The following GTF2F2 variants were observed in gnomAD, a reference collection of about 807,000 sequenced individuals.
The protein encoded by GTF2F2 is general transcription factor IIF subunit 2, also known as ATP-dependent helicase GTF2F2.
A neutral mutation model predicts 42.2 loss-of-function variants in GTF2F2; 23 were observed. That is an observed-to-expected ratio of 0.55 (90% confidence interval 0.39 to 0.77). The LOEUF (loss-of-function observed/expected upper bound fraction) is 0.77, where lower values mean the gene tolerates loss of function less well. Ranked by LOEUF, GTF2F2 falls within the 30% of genes least tolerant of loss-of-function variation. The pLI is 0.00. For missense variants in GTF2F2, 261 were observed against 287.2 expected, an observed-to-expected ratio of 0.91 and a Z score of 0.66; for synonymous variants, 105 against 100.8, an observed-to-expected ratio of 1.04 and a Z score of -0.25.
chr13:45,125,422 C>T lies in GTF2F2; in HGVS notation c.66+4701C>T, dbSNP rs995347727. Reference sequence around the variant, plus strand: ...GCAACCTCCACCTTCCAGGTTCAAGCGATTCTCCTGCCTCAGCCTCCCGAG... The same window carrying T: ...GCAACCTCCACCTTCCAGGTTCAAGTGATTCTCCTGCCTCAGCCTCCCGAG... On this transcript the variant is annotated intron_variant, in intron 1 of 7. Coordinates refer to ENST00000340473, the MANE Select transcript of GTF2F2 (RefSeq NM_004128.3). Among the ~76,000 whole-genome samples the T allele has an allele frequency of 4.6e-5, 7 of 152,210 alleles. No individual in the cohort carries two copies. The South Asian group carries it at 8.3e-4, about 18-fold the overall frequency.
rs552195756 is a variant in GTF2F2, at chr13:45,182,899, A to G, written c.305-24525A>G. On this transcript the variant is annotated intron_variant, in intron 4 of 7. Transcript: ENST00000340473. ...CAAGTCTCAGAAATGGATTCTCTGT[A>G]CTAGTTTTTTCTTGTAGCACACTCG... is the stretch of plus-strand genomic sequence containing the variant. Among the ~76,000 whole-genome samples, 4 of 152,102 alleles carry G rather than the reference A, an allele frequency of 2.6e-5. No homozygotes were observed. In the South Asian group the frequency reaches 8.3e-4, roughly 32 times the overall value.
At chr13:45,212,581 G>A (rs952416377) in intron 5 of GTF2F2, among the ~76,000 whole-genome samples, 3 of 95,366 alleles carry the variant, frequency 3.1e-5, no homozygotes, top group African/African-American at 1.3e-4. Context: ...TCTTTTTTTT[G>A]AGACAAGTCT....
chr13:45,162,795 G>T (rs148956632), intron 4 of GTF2F2, among the ~76,000 whole-genome samples: 1,712 of 152,224 alleles, frequency 0.011, 37 homozygotes, highest in African/African-American at 0.039. Context: ...GTTTTTAATT[G>T]TGAAATATTT....
chr13:45,204,004 T>C (rs968928537), intron 4 of GTF2F2, among the ~76,000 whole-genome samples: 6 of 152,304 alleles, frequency 3.9e-5, no homozygotes, highest in Middle Eastern at 3.4e-3. Flanking sequence ...AATGGCTTTT[T>C]TTTATTTTTT....
At chr13:45,195,814 G>A (rs927943056) in intron 4 of GTF2F2, among the ~76,000 whole-genome samples, 13 of 152,068 alleles carry the variant, frequency 8.5e-5, no homozygotes, top group African/African-American at 3.1e-4. Flanking sequence ...TTTTGTTGTA[G>A]TTTTAGTTTT....
At chr13:45,254,709 A>C (rs559002436) in intron 6 of GTF2F2, among the ~76,000 whole-genome samples, 1 of 152,244 alleles carries the variant, frequency 6.6e-6, no homozygotes, top group African/African-American at 2.4e-5. Flanking sequence ...TAAAAGGGCT[A>C]AGGGTTTTGG....
At chr13:45,124,667 C>G (rs1239359604) in intron 1 of GTF2F2, among the ~76,000 whole-genome samples, 2 of 152,136 alleles carry the variant, frequency 1.3e-5, no homozygotes, top group African/African-American at 4.8e-5. Flanking sequence ...TGGGTTCAAG[C>G]TATTCTCCTG....
At chr13:45,182,282 C>A (rs1441751791) in intron 4 of GTF2F2, among the ~76,000 whole-genome samples, 1 of 152,068 alleles carries the variant, frequency 6.6e-6, no homozygotes. Flanking sequence ...TCCTGAGTAG[C>A]TGGGATTACA....
intron 4 of GTF2F2, among the ~76,000 whole-genome samples, chr13:45,180,577 T>A (rs1872104406): frequency 6.6e-6 from 1 of 152,194 alleles, no homozygotes; most frequent in Non-Finnish European, 1.5e-5. Flanking sequence ...AGGAAAAGAT[T>A]GCTCATTTTG....
intron 2 of GTF2F2, among the ~76,000 whole-genome samples, chr13:45,140,461 T>C (rs770060436): frequency 6.6e-6 from 1 of 152,226 alleles, no homozygotes; most frequent in Non-Finnish European, 1.5e-5. Context: ...AGTGAGACTT[T>C]GTACAAGTCA....
intron 4 of GTF2F2, chr13:45,207,206 A>G (rs1460555201): frequency 6.4e-6 from 3 of 466,632 alleles, no homozygotes; most frequent in East Asian, 3.2e-5. Flanking sequence ...GGGCCACAGC[A>G]GCCTAATAAA....
chr13:45,283,969 A>G lies in GTF2F2; in HGVS notation c.*408A>G, dbSNP rs1042269137. ...AAGAAAAAAACAGTCAACTACAGAA[A>G]CTCTTAAAAGGAATAAAAACCCAAA... On this transcript the variant is annotated 3_prime_UTR_variant, in exon 8 of 8. Transcript: ENST00000340473. 1 of 152,188 alleles carries G rather than the reference A, an allele frequency of 6.6e-6. No individual in the cohort carries two copies. Among genetic ancestry groups the G allele is most frequent in the Non-Finnish European group, 1.5e-5 (1 of 68,062 alleles). 9.4% of individuals were successfully genotyped at this position (152,188 alleles called of 1,614,324 possible).
At chr13:45,187,193 C>T (rs1391415294) in intron 4 of GTF2F2, among the ~76,000 whole-genome samples, 1 of 152,006 alleles carries the variant, frequency 6.6e-6, no homozygotes, top group African/African-American at 2.4e-5. Flanking sequence ...AGTTTGAGAC[C>T]AGCCTGGGCA....
intron 1 of GTF2F2, among the ~76,000 whole-genome samples, chr13:45,121,647 G>A (rs1399286838): frequency 3.9e-5 from 6 of 152,088 alleles, no homozygotes; most frequent in African/African-American, 1.4e-4. Context: ...GTTCAAAGTT[G>A]GTTACCTCTG....
intron 5 of GTF2F2, among the ~76,000 whole-genome samples, chr13:45,217,410 A>G (rs1178060500): frequency 1.3e-5 from 2 of 151,934 alleles, no homozygotes; most frequent in Non-Finnish European, 2.9e-5. Flanking sequence ...TTTAAAATAA[A>G]CCATTACTCA....
At chr13:45,260,940 A>G (rs1208396901) in intron 6 of GTF2F2, among the ~76,000 whole-genome samples, 1 of 152,148 alleles carries the variant, frequency 6.6e-6, no homozygotes, top group Non-Finnish European at 1.5e-5. Flanking sequence ...AGCCTGGCCA[A>G]CGTGGTGAAA....
chr13:45,197,486 G>A (rs1037821058), intron 4 of GTF2F2, among the ~76,000 whole-genome samples: 2 of 145,514 alleles, frequency 1.4e-5, no homozygotes, highest in East Asian at 2.0e-4. Context: ...TCCAGTCTGG[G>A]CAACACAGTA....
At chr13:45,134,715 C>G (rs1285313634) in intron 1 of GTF2F2, among the ~76,000 whole-genome samples, 2 of 152,140 alleles carry the variant, frequency 1.3e-5, no homozygotes, top group Non-Finnish European at 2.9e-5. Context: ...ATTACATACT[C>G]TTCTTTAGCA....
At chr13:45,233,877 C>T (rs1157292421) in intron 5 of GTF2F2, among the ~76,000 whole-genome samples, 4 of 152,120 alleles carry the variant, frequency 2.6e-5, no homozygotes, top group Non-Finnish European at 5.9e-5. Context: ...CATGCCACCG[C>T]ACTCCAGCCT....
Sources: allele counts gnomAD v4.1 joint callset (sites outside exome capture counted in the v4.1 genomes callset), GRCh38; gene constraint gnomAD v4.1.1; transcripts MANE v1.5; gene names NCBI Gene and HGNC (gene_info 2026-07-23, HGNC 2026-07-21).